The following DSCAM variants were observed in gnomAD, a reference collection of about 807,000 sequenced individuals.
DSCAM encodes cell adhesion molecule DSCAM.
Under a neutral mutation model 217.7 loss-of-function variants are expected in DSCAM, and 47 were observed. The observed-to-expected ratio is 0.22, with a 90% CI of 0.17 to 0.28. The LOEUF is 0.28. Ranked by LOEUF, DSCAM falls within the 10% of genes least tolerant of loss-of-function variation. The pLI, the probability that DSCAM is intolerant of heterozygous loss-of-function variation, is 1.00. For synonymous variants in DSCAM, 1,056 were observed against 1,015.3 expected, an observed-to-expected ratio of 1.04 and a Z score of -0.76; for missense variants, 2,080 against 2,618.3, an observed-to-expected ratio of 0.79 and a Z score of 4.49.
intron 1 of DSCAM, among the ~76,000 whole-genome samples, chr21:40,803,914 C>T (rs184320978): frequency 3.1e-4 from 47 of 152,252 alleles, no homozygotes; most frequent in African/African-American, 1.1e-3. Context: ...AGGAGCATCC[C>T]CTCTCCTGCT....
chr21:40,624,442 C>G (rs1568945469), intron 3 of DSCAM, among the ~76,000 whole-genome samples: 1 of 152,142 alleles, frequency 6.6e-6, no homozygotes, highest in Non-Finnish European at 1.5e-5. Flanking sequence ...GTAAGACTTT[C>G]CATGTTTTGG....
rs1219827345 is a variant in DSCAM at position 40,542,200 on chromosome 21, T to G, written c.508+150610A>C. On this transcript the variant is annotated intron_variant, in intron 3 of 32. Coordinates refer to ENST00000400454, the MANE Select transcript of DSCAM (RefSeq NM_001389.5). ...ATAGAATGTTTCAAAAAATAAATAC[T>G]CAATCTCAAAAAATGAATGTTCAGT... Among the ~76,000 whole-genome samples the G allele has an allele frequency of 2.0e-5, 3 of 152,272 alleles. No homozygotes were observed. In the South Asian group the frequency reaches 6.2e-4, roughly 32 times the overall value.
chr21:40,676,325 T>A lies in DSCAM; in HGVS notation c.508+16485A>T, dbSNP rs375982134. Among the ~76,000 whole-genome samples, 19 of 152,306 alleles carry A rather than the reference T, an allele frequency of 1.2e-4. No individual in the cohort carries two copies. In the East Asian group the frequency reaches 2.3e-3, roughly 19 times the overall value. ...TCAACTAAGCATGTGCAGAGTCCTA[T>A]CAAAGTCATGCATCAGGCCTCGCGG... On this transcript the variant is annotated intron_variant, in intron 3 of 32. Coordinates refer to ENST00000400454, the MANE Select transcript of DSCAM (RefSeq NM_001389.5).
At chr21:40,376,563 T>A (rs544097458) in intron 3 of DSCAM, among the ~76,000 whole-genome samples, 4 of 106,102 alleles carry the variant, frequency 3.8e-5, no homozygotes, top group African/African-American at 1.2e-4. Flanking sequence ...GATATCTATA[T>A]ATCTTATATC....
intron 1 of DSCAM, among the ~76,000 whole-genome samples, chr21:40,722,694 A>T (rs2090914178): frequency 6.6e-6 from 1 of 152,164 alleles, no homozygotes; most frequent in African/African-American, 2.4e-5. Flanking sequence ...TGACCATCAC[A>T]TTAAATATAA....
chr21:40,085,206 A>T (rs2089515710), intron 23 of DSCAM, among the ~76,000 whole-genome samples: 1 of 152,252 alleles, frequency 6.6e-6, no homozygotes, highest in Non-Finnish European at 1.5e-5. Flanking sequence ...ATAAAAATTG[A>T]GTTAATTAGC....
intron 3 of DSCAM, among the ~76,000 whole-genome samples, chr21:40,443,410 T>C (rs547473334): frequency 2.0e-5 from 3 of 152,322 alleles, no homozygotes; most frequent in Non-Finnish European, 4.4e-5. Context: ...AAAGAGAATG[T>C]TCATATGGCT....
chr21:40,635,215 TAAAG>T (rs2089741583), intron 3 of DSCAM, among the ~76,000 whole-genome samples: 1 of 150,040 alleles, frequency 6.7e-6, no homozygotes, highest in African/African-American at 2.4e-5. Context: ...AAGGGGAAAA[TAAAG>T]AAGAGAAAGC....
chr21:40,157,355 TGTG>T (rs1000256105), intron 16 of DSCAM, among the ~76,000 whole-genome samples: 1 of 152,132 alleles, frequency 6.6e-6, no homozygotes, highest in African/African-American at 2.4e-5. Context: ...AGAACCAGCA[TGTG>T]AGGTAGAACT....
At chr21:40,725,557 T>C (rs148856426) in intron 1 of DSCAM, among the ~76,000 whole-genome samples, 2 of 152,356 alleles carry the variant, frequency 1.3e-5, no homozygotes, top group Admixed American at 6.5e-5. Flanking sequence ...AAAACATTTG[T>C]ACCTTGAATG....
At chr21:40,165,906 C>T (rs1040857673) in intron 16 of DSCAM, among the ~76,000 whole-genome samples, 4 of 151,798 alleles carry the variant, frequency 2.6e-5, no homozygotes, top group South Asian at 2.1e-4. Context: ...GTGTGATGCT[C>T]GCAGGGGGTG....
At chr21:40,032,674 T>G (rs1046425581) in intron 32 of DSCAM, among the ~76,000 whole-genome samples, 2 of 151,986 alleles carry the variant, frequency 1.3e-5, no homozygotes, top group Non-Finnish European at 1.5e-5. Context: ...ATGGGTGGAC[T>G]CTATGCTCCC....
At chr21:40,221,288 C>G (rs1158078349) in intron 11 of DSCAM, among the ~76,000 whole-genome samples, 1 of 151,958 alleles carries the variant, frequency 6.6e-6, no homozygotes, top group Non-Finnish European at 1.5e-5. Flanking sequence ...GCATTACAAT[C>G]AGACACCTGA....
At chr21:40,697,739 C>T (rs536182841) in intron 2 of DSCAM, among the ~76,000 whole-genome samples, 3 of 152,272 alleles carry the variant, frequency 2.0e-5, no homozygotes, top group East Asian at 1.9e-4. Flanking sequence ...CAGTACTACA[C>T]CTGTGTTGTA....
At chr21:40,313,079 T>G (rs1221862354) in intron 8 of DSCAM, among the ~76,000 whole-genome samples, 2 of 148,044 alleles carry the variant, frequency 1.4e-5, no homozygotes, top group African/African-American at 5.0e-5. Flanking sequence ...AGGGCACCAG[T>G]GCACTCCAGC....
intron 32 of DSCAM, among the ~76,000 whole-genome samples, chr21:40,026,683 T>G (rs1212631346): frequency 8.1e-5 from 12 of 148,798 alleles, no homozygotes; most frequent in Non-Finnish European, 1.8e-4. Flanking sequence ...TATCCGAGAC[T>G]AGGATTGCAA....
In DSCAM at chr21:40,574,365, AG is replaced by A. The variant is rs375944493; in HGVS notation, c.508+118444del. Among the ~76,000 whole-genome samples the A allele has an allele frequency of 6.2e-3, 952 of 152,332 alleles. 9 individuals are homozygous for A. Among genetic ancestry groups the A allele is most frequent in the African/African-American group, 0.022 (905 of 41,570 alleles). The stretch of plus-strand genomic sequence containing the variant: ...ATTCATTTCATTAACAGATTAAAGA[AG>A]AAAAATTATATAACTATCTCAATAC... On this transcript the variant is annotated intron_variant, in intron 3 of 32. Coordinates refer to ENST00000400454, the MANE Select transcript of DSCAM (RefSeq NM_001389.5).
chr21:40,478,933 C>T (rs1262791644), intron 3 of DSCAM, among the ~76,000 whole-genome samples: 2 of 152,100 alleles, frequency 1.3e-5, no homozygotes, highest in South Asian at 2.1e-4. Context: ...ATACTGTATT[C>T]TGAGTTATGT....
At chr21:40,775,141 A>G (rs562688598) in intron 1 of DSCAM, among the ~76,000 whole-genome samples, 11 of 152,106 alleles carry the variant, frequency 7.2e-5, no homozygotes, top group Non-Finnish European at 1.6e-4. Flanking sequence ...AAAATCTCAA[A>G]GTTCAAATCC....
Sources: allele counts gnomAD v4.1 joint callset (sites outside exome capture counted in the v4.1 genomes callset), GRCh38; gene constraint gnomAD v4.1.1; transcripts MANE v1.5; gene names NCBI Gene and HGNC (gene_info 2026-07-23, HGNC 2026-07-21).